SLC39A11: variants seen among roughly 807,000 people sequenced by gnomAD.
The protein encoded by SLC39A11 is zinc transporter ZIP11.
SLC39A11 carries 33 observed loss-of-function variants against 36.1 expected under a neutral mutation model. The ratio of observed to expected loss-of-function variants is 0.91; its 90% CI spans 0.69 to 1.22. The LOEUF is 1.22. SLC39A11 is among the 50% of genes most tolerant of loss of function. The pLI is 0.00. For missense variants in SLC39A11, 432 were observed against 430.3 expected (o/e 1.00, Z -0.03); for synonymous variants, 166 against 170.3 (o/e 0.97, Z 0.20).
intron 5 of SLC39A11, among the ~76,000 whole-genome samples, chr17:72,873,421 TGAG>T (rs2146416095): frequency 1.3e-5 from 2 of 151,370 alleles, no homozygotes; most frequent in Admixed American, 1.3e-4. Flanking sequence ...TCCAAATATG[TGAG>T]GAGGAGGACT....
At chr17:72,904,029 T>C (rs563870971) in intron 5 of SLC39A11, among the ~76,000 whole-genome samples, 28 of 152,328 alleles carry the variant, frequency 1.8e-4, no homozygotes, top group African/African-American at 6.5e-4. Context: ...GCTGTATACA[T>C]GGGAACCCTG....
At chr17:72,735,693 C>T (rs1415923375) in intron 7 of SLC39A11, among the ~76,000 whole-genome samples, 1 of 152,140 alleles carries the variant, frequency 6.6e-6, no homozygotes, top group East Asian at 1.9e-4. Context: ...ATCTTTTAGT[C>T]CCCTGAAGCC....
intron 5 of SLC39A11, among the ~76,000 whole-genome samples, chr17:72,861,743 TATATATATATATATATA>T (rs1567842572): frequency 4.3e-4 from 1 of 2,344 alleles, no homozygotes; most frequent in Non-Finnish European, 7.5e-4. Flanking sequence ...TTGGAGATTA[TATATATATATATATATA>T]TATATATATA....
intron 4 of SLC39A11, among the ~76,000 whole-genome samples, chr17:73,019,346 G>A (rs1290882142): frequency 6.6e-6 from 1 of 152,160 alleles, no homozygotes; most frequent in Non-Finnish European, 1.5e-5. Context: ...ACAACCGATT[G>A]TTAAAGCAAA....
At chr17:72,677,353 C>T (rs942663320) in intron 7 of SLC39A11, among the ~76,000 whole-genome samples, 1 of 152,190 alleles carries the variant, frequency 6.6e-6, no homozygotes, top group Non-Finnish European at 1.5e-5. Flanking sequence ...CAGCTGGGCC[C>T]TGCTACATCA....
At chr17:72,848,664 T>C (rs1268145596) in intron 6 of SLC39A11, among the ~76,000 whole-genome samples, 1 of 150,166 alleles carries the variant, frequency 6.7e-6, no homozygotes, top group African/African-American at 2.5e-5. Context: ...GAGGCTGCAG[T>C]AAGCCAAGAT....
intron 5 of SLC39A11, among the ~76,000 whole-genome samples, chr17:72,921,028 A>G (rs1567956239): frequency 6.6e-6 from 1 of 152,094 alleles, no homozygotes; most frequent in Non-Finnish European, 1.5e-5. Context: ...GGGGACTTTC[A>G]TTTCTTGTTC....
chr17:72,889,597 A>G (rs2081620817), intron 5 of SLC39A11, among the ~76,000 whole-genome samples: 2 of 152,224 alleles, frequency 1.3e-5, no homozygotes, highest in Admixed American at 6.5e-5. Context: ...ACATTTCACA[A>G]AACAATTTGA....
chr17:72,790,828 C>T (rs2076677375), intron 6 of SLC39A11, among the ~76,000 whole-genome samples: 1 of 152,148 alleles, frequency 6.6e-6, no homozygotes, highest in African/African-American at 2.4e-5. Context: ...CCACCACACC[C>T]AGCCAAAAAC....
At chr17:72,842,258 G>T (rs9892790) in intron 6 of SLC39A11, among the ~76,000 whole-genome samples, 130,870 of 152,168 alleles carry the variant, frequency 0.86, 56,723 homozygotes, top group East Asian at 0.96. Flanking sequence ...CAGCAAGACA[G>T]CACAAAGGAA....
At chr17:72,942,923 C>G (rs550711716) in intron 5 of SLC39A11, among the ~76,000 whole-genome samples, 54 of 152,246 alleles carry the variant, frequency 3.5e-4, no homozygotes, top group African/African-American at 1.3e-3. Context: ...GAAACCGTTC[C>G]CAGTCAACAG....
chr17:72,938,536 C>T (rs2084909442), intron 5 of SLC39A11, among the ~76,000 whole-genome samples: 1 of 152,164 alleles, frequency 6.6e-6, no homozygotes, highest in Non-Finnish European at 1.5e-5. Flanking sequence ...AGATCCCAAG[C>T]ACTCAAAACC....
At chr17:72,739,848 T>C (rs1469587) in intron 6 of SLC39A11, among the ~76,000 whole-genome samples, 59,257 of 151,828 alleles carry the variant, frequency 0.39, 12,184 homozygotes, top group Middle Eastern at 0.51. Context: ...GCCAATCCCT[T>C]GCACAGTTGA....
chr17:72,676,984 T>C (rs1349863664), intron 7 of SLC39A11, among the ~76,000 whole-genome samples: 2 of 152,210 alleles, frequency 1.3e-5, no homozygotes, highest in African/African-American at 4.8e-5. Flanking sequence ...GGTACCTTTT[T>C]TCTTTGCTGC....
chr17:73,036,918 C>T (rs565231573), intron 3 of SLC39A11, among the ~76,000 whole-genome samples: 24 of 152,332 alleles, frequency 1.6e-4, no homozygotes, highest in Admixed American at 5.9e-4. Context: ...CCCTGGAAAT[C>T]CCTTTTCACT....
chr17:72,960,075 C>A (rs1377334926), intron 4 of SLC39A11, among the ~76,000 whole-genome samples: 4 of 152,162 alleles, frequency 2.6e-5, no homozygotes, highest in African/African-American at 9.7e-5. Flanking sequence ...ACATATAAAG[C>A]CTATTCATAC....
chr17:72,929,434 G>A (rs946944748), intron 5 of SLC39A11, among the ~76,000 whole-genome samples: 4 of 151,998 alleles, frequency 2.6e-5, no homozygotes, highest in South Asian at 2.1e-4. Context: ...TCCACAAAAC[G>A]GTCAAGGTCA....
intron 6 of SLC39A11, among the ~76,000 whole-genome samples, chr17:72,768,681 C>G (rs1407905216): frequency 2.0e-5 from 3 of 152,194 alleles, no homozygotes; most frequent in African/African-American, 7.2e-5. Context: ...GTGGTCGAAT[C>G]TAGCCAAGTC....
At chr17:72,829,609 A>G (rs2078182745) in intron 6 of SLC39A11, among the ~76,000 whole-genome samples, 3 of 152,192 alleles carry the variant, frequency 2.0e-5, no homozygotes. Context: ...TAGGGCAGAC[A>G]TGCTCAAAGG....
Sources: allele counts gnomAD v4.1 joint callset (sites outside exome capture counted in the v4.1 genomes callset), GRCh38; gene constraint gnomAD v4.1.1; transcripts MANE v1.5; gene names NCBI Gene and HGNC (gene_info 2026-07-23, HGNC 2026-07-21).